SPG11: variants seen among roughly 807,000 people sequenced by gnomAD.
The protein encoded by SPG11 is SPG11 vesicle trafficking associated, spatacsin, also known as spatacsin.
Under a neutral mutation model 274.0 loss-of-function variants are expected in SPG11, and 222 were observed. The observed-to-expected ratio is 0.81, with a 90% CI of 0.73 to 0.91. The LOEUF (loss-of-function observed/expected upper bound fraction) is 0.91. Ranked by LOEUF, SPG11 falls within the 40% of genes least tolerant of loss-of-function variation. The pLI, the probability that SPG11 is intolerant of heterozygous loss-of-function variation, is 0.00. For synonymous variants in SPG11, 1,144 were observed against 1,039.7 expected (o/e 1.10, Z -1.93); for missense variants, 3,114 against 2,872.7 (o/e 1.08, Z -1.92).
chr15:44,597,414 A>G (rs1595862143), intron 23 of SPG11, among the ~76,000 whole-genome samples: 2 of 152,246 alleles, frequency 1.3e-5, no homozygotes, highest in South Asian at 4.1e-4. Context: ...GCCTGGCCAA[A>G]AACAGTAGAC....
chr15:44,657,379 C>T (rs2084972313), intron 3 of SPG11, 83 bp from the exon 4 acceptor site: 5 of 1,259,832 alleles, frequency 4.0e-6, no homozygotes, highest in Non-Finnish European at 5.7e-6. Context: ...GAGCTATAGA[C>T]TTTATCACTC....
At chr15:44,604,724 C>G (rs1256320197) in intron 20 of SPG11, among the ~76,000 whole-genome samples, 1 of 151,736 alleles carries the variant, frequency 6.6e-6, no homozygotes, top group South Asian at 2.1e-4. Flanking sequence ...GTCAGGAGAT[C>G]GAGACCATCC....
chr15:44,564,497 C>T (rs1352135811), intron 39 of SPG11, 50 bp downstream of exon 39: 19 of 1,602,378 alleles, frequency 1.2e-5, no homozygotes, highest in South Asian at 6.6e-5. Context: ...CTTGTCTCAC[C>T]TCAAAGCAGA....
chr15:44,613,602 T>C (rs2083517449), intron 16 of SPG11, 66 bp from the exon 17 acceptor site: 6 of 1,051,266 alleles, frequency 5.7e-6, no homozygotes. Context: ...ACAACCATTT[T>C]GCTCAGGCGA....
chr15:44,647,695 A>C (rs1403936997), intron 7 of SPG11, among the ~76,000 whole-genome samples: 1 of 152,224 alleles, frequency 6.6e-6, no homozygotes, highest in East Asian at 1.9e-4. Flanking sequence ...AATTTACATG[A>C]AATGTCCAGA....
chr15:44,592,884 C>A (rs1374797639), intron 26 of SPG11, among the ~76,000 whole-genome samples: 1 of 151,606 alleles, frequency 6.6e-6, no homozygotes, highest in Non-Finnish European at 1.5e-5. Flanking sequence ...CCCAGCTACT[C>A]GGGAAGTTGA....
At chr15:44,595,048 C>G (rs1391182874) in intron 26 of SPG11, among the ~76,000 whole-genome samples, 5 of 152,210 alleles carry the variant, frequency 3.3e-5, no homozygotes, top group Non-Finnish European at 4.4e-5. Flanking sequence ...AACTCCTGAC[C>G]TCAAGTGATC....
At chr15:44,585,463 ATGG>A (rs1234010210) in intron 29 of SPG11, among the ~76,000 whole-genome samples, 170 bp downstream of exon 29, 1 of 149,754 alleles carries the variant, frequency 6.7e-6, no homozygotes, top group African/African-American at 2.5e-5. Context: ...TCAGCCGGGC[ATGG>A]TGGTGGGCAC....
At chr15:44,657,326 G>C in intron 3 of SPG11, 30 bp from the exon 4 acceptor site, 1 of 1,600,990 alleles carries the variant, frequency 6.2e-7, no homozygotes, top group Non-Finnish European at 8.6e-7. Context: ...GAAAATGCCA[G>C]TTTTGTAAGT....
intron 1 of SPG11, among the ~76,000 whole-genome samples, chr15:44,662,674 A>AG (rs1566837343): frequency 6.7e-6 from 1 of 149,590 alleles, no homozygotes; most frequent in Non-Finnish European, 1.5e-5. Context: ...AAAAAAAAAA[A>AG]GCAGCAGCCC....
At chr15:44,615,213 A>G in intron 16 of SPG11, 150 bp downstream of exon 16, 1 of 779,734 alleles carries the variant, frequency 1.3e-6, no homozygotes, top group Non-Finnish European at 2.2e-6. Flanking sequence ...TCAAAGATGT[A>G]CCAACTGTTG....
chr15:44,653,164 A>C (rs915224164), intron 4 of SPG11, among the ~76,000 whole-genome samples: 2 of 152,152 alleles, frequency 1.3e-5, no homozygotes, highest in African/African-American at 4.8e-5. Context: ...GGCTATTAAG[A>C]ATTTTAAACT....
intron 26 of SPG11, among the ~76,000 whole-genome samples, chr15:44,594,673 G>A (rs570462346): frequency 2.9e-4 from 44 of 151,978 alleles, no homozygotes; most frequent in African/African-American, 1.0e-3. Context: ...TGAGTTGGGA[G>A]GATCACCTGA....
intron 6 of SPG11, among the ~76,000 whole-genome samples, chr15:44,649,725 C>T (rs2084709398): frequency 6.6e-6 from 1 of 152,130 alleles, no homozygotes; most frequent in East Asian, 1.9e-4. Context: ...AACCCCGTCT[C>T]TACCAAAAAT....
At chr15:44,575,838 A>AT (rs969722898) in intron 30 of SPG11, among the ~76,000 whole-genome samples, 1 of 151,984 alleles carries the variant, frequency 6.6e-6, no homozygotes, top group African/African-American at 2.4e-5. Context: ...TCTATTCCTG[A>AT]TTTTTTTTAA....
chr15:44,654,902 CATG>C (rs149268789), intron 4 of SPG11, among the ~76,000 whole-genome samples: 89 of 152,166 alleles, frequency 5.8e-4, no homozygotes, highest in African/African-American at 2.1e-3. Flanking sequence ...ACGGACTGTA[CATG>C]ATACCATTCG....
intron 7 of SPG11, among the ~76,000 whole-genome samples, chr15:44,636,310 G>C (rs571648992): frequency 6.6e-6 from 1 of 152,126 alleles, no homozygotes; most frequent in East Asian, 1.9e-4. Flanking sequence ...CCTTCGTTCT[G>C]AGTGATGGGA....
intron 15 of SPG11, among the ~76,000 whole-genome samples, chr15:44,616,876 T>C (rs1477208398): frequency 6.6e-6 from 1 of 152,230 alleles, no homozygotes; most frequent in Admixed American, 6.5e-5. Context: ...AGGTCCATTT[T>C]AGTTGTTCCT....
chr15:44,595,500 C>T, intron 25 of SPG11, 41 bp from the exon 26 acceptor site: 1 of 1,589,720 alleles, frequency 6.3e-7, no homozygotes, highest in Non-Finnish European at 8.6e-7. Flanking sequence ...GCCTGGATTA[C>T]CTGGCAAATG....
Sources: gnomAD v4.1 joint callset for allele counts (sites outside exome capture counted in the v4.1 genomes callset) on GRCh38, gnomAD v4.1.1 for gene constraint, MANE v1.5 for transcripts, NCBI Gene and HGNC (gene_info 2026-07-23, HGNC 2026-07-21) for gene names.